Variants in CADM1 observed in about 807,000 individuals in gnomAD.
CADM1 encodes cell adhesion molecule 1, also known as TSLC-1.
Under a neutral mutation model 53.1 loss-of-function variants are expected in CADM1, and 15 were observed. The ratio of observed to expected loss-of-function variants is 0.28; its 90% confidence interval spans 0.19 to 0.44. The LOEUF (loss-of-function observed/expected upper bound fraction) is 0.44, where lower values mean the gene tolerates loss of function less well. Among genes scored for constraint, CADM1 ranks in the 20% least tolerant of loss-of-function variants. The pLI is 1.00. For missense variants in CADM1, 434 were observed against 611.3 expected, an observed-to-expected ratio of 0.71 and a Z score of 3.06; for synonymous variants, 281 against 243.0, an observed-to-expected ratio of 1.16 and a Z score of -1.45.
chr11:115,317,495 A>G (rs1296486674), intron 1 of CADM1, among the ~76,000 whole-genome samples: 1 of 152,204 alleles, frequency 6.6e-6, no homozygotes, highest in Non-Finnish European at 1.5e-5. Flanking sequence ...TTAGAACGTT[A>G]ATTGTTCATA....
chr11:115,298,529 A>AC (rs1393116161), intron 1 of CADM1, among the ~76,000 whole-genome samples: 1 of 152,172 alleles, frequency 6.6e-6, no homozygotes, highest in African/African-American at 2.4e-5. Context: ...CCTAGTCACC[A>AC]CTTCATCTTG....
In CADM1 at chr11:115,275,426, C is replaced by A. The variant is rs140951174; in HGVS notation, c.125-35006G>T. Among the ~76,000 whole-genome samples the A allele has an allele frequency of 9.4e-4, 143 of 152,244 alleles. 2 individuals are homozygous for A. The highest frequency in any genetic ancestry group is 3.4e-3 in the African/African-American group (141 of 41,548). On this transcript the variant is annotated intron_variant, in intron 1 of 11. Transcript: ENST00000331581. ...CATAAACTCGTAACATGCTTTACAACGTGACCTTAGGAGATAGATGCTTTA... is the reference window on the plus strand; with the variant it reads ...CATAAACTCGTAACATGCTTTACAAAGTGACCTTAGGAGATAGATGCTTTA...
Position 115,358,561 on chromosome 11 carries a change from G to A in CADM1, c.125-118141C>T, listed in dbSNP as rs147966525. Among the ~76,000 whole-genome samples the A allele has an allele frequency of 5.1e-3, 778 of 152,256 alleles. 8 individuals carry two copies. Among genetic ancestry groups the A allele is most frequent in the African/African-American group, 0.018 (748 of 41,530 alleles). ...CCAAACCAGGTCCCTCCCACAACAT[G>A]TGGGAATTACGGGAGCTACGATTCA... On this transcript the variant is annotated intron_variant, in intron 1 of 11. Transcript: ENST00000331581.
intron 1 of CADM1, among the ~76,000 whole-genome samples, chr11:115,453,156 C>T (rs987651397): frequency 3.9e-5 from 6 of 151,964 alleles, no homozygotes; most frequent in Admixed American, 1.3e-4. Context: ...GCAGGCAGAC[C>T]GCTTGAGCCC....
rs186274748 is a variant in CADM1, at chr11:115,295,730, C to A, written c.125-55310G>T. Among the ~76,000 whole-genome samples the A allele has an allele frequency of 8.7e-3, 1,324 of 151,650 alleles. 21 individuals carry two copies. The highest frequency in any genetic ancestry group is 0.03 in the African/African-American group (1,260 of 41,400). On this transcript the variant is annotated intron_variant, in intron 1 of 11. Transcript: ENST00000331581. ...AATCTGCTTTTTCAGCATGATTTCT[C>A]ATAGAATTACTCTCTCCAGGTTTTT...
At chr11:115,202,583 A>G (rs2134698068) in intron 8 of CADM1, among the ~76,000 whole-genome samples, 1 of 152,310 alleles carries the variant, frequency 6.6e-6, no homozygotes, top group South Asian at 2.1e-4. Flanking sequence ...GCTTAATTGT[A>G]AAAAATTTAA....
In CADM1 at chr11:115,211,460, A is replaced by G. The variant is rs549072290; in HGVS notation, c.995-1803T>C. Among the ~76,000 whole-genome samples the G allele has an allele frequency of 3.4e-5, 5 of 146,538 alleles. No individual in the cohort carries two copies. In the South Asian group the frequency reaches 1.1e-3, roughly 32 times the overall value. On this transcript the variant is annotated intron_variant, in intron 7 of 11. Transcript: ENST00000331581. ...GTTCCTGGGAGATTTCCCCTGATAT[A>G]CTATAATCCTATTTCTTTTTTTTTT...
intron 1 of CADM1, among the ~76,000 whole-genome samples, chr11:115,493,031 T>C (rs1949533540): frequency 6.6e-6 from 1 of 152,008 alleles, no homozygotes; most frequent in Non-Finnish European, 1.5e-5. Flanking sequence ...TTCTTAGATG[T>C]GTCCGCTGTC....
intron 8 of CADM1, among the ~76,000 whole-genome samples, chr11:115,202,346 TC>T (rs1940473078): frequency 6.6e-6 from 1 of 152,140 alleles, no homozygotes; most frequent in Admixed American, 6.5e-5. Context: ...TTAAAACTAA[TC>T]CATAAATTGG....
chr11:115,274,129 G>A (rs1469158393), intron 1 of CADM1, among the ~76,000 whole-genome samples: 2 of 152,188 alleles, frequency 1.3e-5, no homozygotes, highest in African/African-American at 4.8e-5. Context: ...ATCTAGATAA[G>A]CTTTAGGGTT....
At chr11:115,377,210 C>G (rs1432168271) in intron 1 of CADM1, 11 of 152,014 alleles carry the variant, frequency 7.2e-5, no homozygotes, top group Non-Finnish European at 1.0e-4. Flanking sequence ...ACCTACAGAA[C>G]TTTGTGCATC....
At chr11:115,262,519 G>GT (rs1943007096) in intron 1 of CADM1, among the ~76,000 whole-genome samples, 1 of 152,156 alleles carries the variant, frequency 6.6e-6, no homozygotes, top group Admixed American at 6.5e-5. Context: ...CACTTGTCCT[G>GT]TTTCAGCACT....
chr11:115,191,023 T>A lies in CADM1; in HGVS notation c.1112-82A>T, dbSNP rs1939831830. 4.3e-6 allele frequency: 5 copies of A among 1,167,748 alleles called. No individual in the cohort carries two copies. In the Admixed American group the frequency reaches 1.0e-4, roughly 23 times the overall value. 72.3% of individuals were successfully genotyped at this position (1,167,748 alleles called of 1,614,324 possible). A position where few individuals can be genotyped will look rare whatever the true frequency, so the allele number is the denominator to read the frequency against. On this transcript the variant is annotated intron_variant, in intron 9 of 11. Coordinates refer to ENST00000331581, the MANE Select transcript of CADM1 (RefSeq NM_001301043.2). ...CACTTAAGAACTGAGGATGAATTTCTTTAAAAACATGAGCCAAATCTCTTG... is the reference window on the plus strand; with the variant it reads ...CACTTAAGAACTGAGGATGAATTTCATTAAAAACATGAGCCAAATCTCTTG...
At chr11:115,289,887 G>C (rs530543076) in intron 1 of CADM1, among the ~76,000 whole-genome samples, 1 of 152,070 alleles carries the variant, frequency 6.6e-6, no homozygotes, top group East Asian at 1.9e-4. Context: ...GAACCACCGC[G>C]CCCGGCCCTG....
chr11:115,305,579 T>C lies in CADM1; in HGVS notation c.125-65159A>G, dbSNP rs1331075520. Among the ~76,000 whole-genome samples, 4 of 152,054 alleles carry C rather than the reference T, an allele frequency of 2.6e-5. No individual in the cohort carries two copies. In the South Asian group the frequency reaches 8.3e-4, roughly 32 times the overall value. The stretch of plus-strand genomic sequence containing the variant: ...GATAAGGGATAAATAGAGCATTGGC[T>C]GGCCACAATGAAAGAGGCATTCTTT... On this transcript the variant is annotated intron_variant, in intron 1 of 11. Transcript: ENST00000331581.
intron 1 of CADM1, among the ~76,000 whole-genome samples, chr11:115,283,352 A>T (rs897564339): frequency 6.6e-6 from 1 of 152,174 alleles, no homozygotes. Flanking sequence ...ACCCAGGGCC[A>T]GAAGACAATG....
At chr11:115,216,103 A>C (rs1941171409) in intron 6 of CADM1, among the ~76,000 whole-genome samples, 1 of 152,220 alleles carries the variant, frequency 6.6e-6, no homozygotes, top group Non-Finnish European at 1.5e-5. Context: ...AGCTGAAACA[A>C]TCAGTAGGGG....
intron 1 of CADM1, among the ~76,000 whole-genome samples, chr11:115,272,499 TCAAA>T (rs1039456343): frequency 2.3e-4 from 35 of 152,182 alleles, no homozygotes; most frequent in Admixed American, 3.9e-4. Flanking sequence ...GAGTTTAACC[TCAAA>T]CAAACAAACA....
chr11:115,192,422 G>A (rs984321535), intron 9 of CADM1, among the ~76,000 whole-genome samples: 8 of 152,250 alleles, frequency 5.3e-5, no homozygotes, highest in South Asian at 2.1e-4. Flanking sequence ...AGGCAACTGA[G>A]TAGAGATGAT....
Sources: gnomAD v4.1 joint callset for allele counts (sites outside exome capture counted in the v4.1 genomes callset) on GRCh38, gnomAD v4.1.1 for gene constraint, MANE v1.5 for transcripts, NCBI Gene and HGNC (gene_info 2026-07-23, HGNC 2026-07-21) for gene names.